KIAA1549L: variants seen among roughly 807,000 people sequenced by gnomAD.
The protein encoded by KIAA1549L is UPF0606 protein KIAA1549L.
KIAA1549L carries 88 observed loss-of-function variants against 160.7 expected under a neutral mutation model. The observed-to-expected ratio is 0.55, with a 90% CI of 0.46 to 0.65. The LOEUF is 0.65. Ranked by LOEUF, KIAA1549L falls within the 30% of genes least tolerant of loss-of-function variation. KIAA1549L has a pLI of 0.00. For synonymous variants in KIAA1549L, 950 were observed against 976.7 expected, an observed-to-expected ratio of 0.97 and a Z score of 0.51; for missense variants, 2,258 against 2,437.5, an observed-to-expected ratio of 0.93 and a Z score of 1.55.
chr11:33,424,854 C>T (rs1457793312), intron 1 of KIAA1549L, among the ~76,000 whole-genome samples: 1 of 152,130 alleles, frequency 6.6e-6, no homozygotes, highest in South Asian at 2.1e-4. Flanking sequence ...TGGCTGTGGA[C>T]TCTGTGTGGT....
At chr11:33,406,355 G>T (rs1189160257) in intron 1 of KIAA1549L, among the ~76,000 whole-genome samples, 1 of 152,168 alleles carries the variant, frequency 6.6e-6, no homozygotes, top group Non-Finnish European at 1.5e-5. Context: ...GTTCCTGCCG[G>T]CTGCGACTTA....
At chr11:33,553,032 G>A (rs1590337521) in intron 6 of KIAA1549L, among the ~76,000 whole-genome samples, 1 of 152,162 alleles carries the variant, frequency 6.6e-6, no homozygotes, top group African/African-American at 2.4e-5. Flanking sequence ...TAAGAGATGA[G>A]GTTAGAAGCT....
At chr11:33,490,060 T>G (rs954200837) in intron 1 of KIAA1549L, among the ~76,000 whole-genome samples, 2 of 152,118 alleles carry the variant, frequency 1.3e-5, no homozygotes, top group Admixed American at 6.6e-5. Flanking sequence ...TGATGGTAAA[T>G]GGGAAGGTTT....
Position 33,542,706 on chromosome 11 carries a change from A to G in KIAA1549L, c.1143A>G (p.Ser381=). 1 of 1,613,964 alleles carries G rather than the reference A, an allele frequency of 6.2e-7. No homozygotes were observed. The highest frequency in any genetic ancestry group is 8.5e-7 in the Non-Finnish European group (1 of 1,179,872). The part of the protein sequence containing the change: ...SPSWSMLEVA[S]GPASTQQIKA... Reference sequence around the variant, plus strand: ...CATGGTCAATGTTGGAAGTGGCTTCAGGTCCTGCATCCACCCAGCAGATCA... The same window carrying G: ...CATGGTCAATGTTGGAAGTGGCTTCGGGTCCTGCATCCACCCAGCAGATCA... Residue 381 remains serine, a synonymous_variant, in exon 2 of 21, where the codon TCA becomes TCG. Coordinates refer to ENST00000658780, the MANE Select transcript of KIAA1549L (RefSeq NM_012194.3).
rs778392074 is a variant in KIAA1549L, at chr11:33,645,904, C to T, written c.5628C>T (p.Tyr1876=). The T allele has an allele frequency of 4.4e-5, 71 of 1,613,394 alleles. No individual in the cohort carries two copies. The highest frequency in any genetic ancestry group is 1.6e-4 in the Middle Eastern group (1 of 6,080). Residue 1876 remains tyrosine, a synonymous_variant, in exon 17 of 21, where the codon TAC becomes TAT. Coordinates refer to ENST00000658780, the MANE Select transcript of KIAA1549L (RefSeq NM_012194.3). ...GCCAGAGCCGGCACCAAGAGGCCTA[C>T]GGCTCAGCCCAGCACCTGCCCTATT... ...HAGQSRHQEA[Y]GSAQHLPYSE... is the part of the protein sequence containing the mutation.
intron 1 of KIAA1549L, among the ~76,000 whole-genome samples, chr11:33,511,395 G>A (rs1590299714): frequency 6.6e-6 from 1 of 152,226 alleles, no homozygotes; most frequent in African/African-American, 2.4e-5. Context: ...CTCAGGTGTT[G>A]TGGGAGGATT....
Position 33,530,430 on chromosome 11 carries a change from AAAAAAAATATATATATATAT to A in KIAA1549L, c.239-11370_239-11351del, listed in dbSNP as rs1420156746. Among the ~76,000 whole-genome samples, 115 of 14,384 alleles carry A rather than the reference AAAAAAAATATATATATATAT, an allele frequency of 8.0e-3. 8 individuals are homozygous for A. Among genetic ancestry groups the A allele is most frequent in the African/African-American group, 0.021 (107 of 5,036 alleles). The allele number at this position is 14,384 out of a possible 152,430, so 9.4% of individuals were successfully genotyped here. A position where few individuals can be genotyped will look rare whatever the true frequency, so the allele number is the denominator to read the frequency against. ...AAGAAGAAGGAAAAAAAAAAAAAAA[AAAAAAAATATATATATATAT>A]ATATATATATATATATATATATATA... is the stretch of plus-strand genomic sequence containing the variant. On this transcript the variant is annotated intron_variant, in intron 1 of 20. Transcript: ENST00000658780.
chr11:33,503,101 T>TCC (rs1468153775), intron 1 of KIAA1549L, among the ~76,000 whole-genome samples: 29 of 152,306 alleles, frequency 1.9e-4, no homozygotes, highest in African/African-American at 7.0e-4. Context: ...TCACCTGAAG[T>TCC]CCCCCTCATG....
Position 33,543,182 on chromosome 11 carries a change from A to G in KIAA1549L, c.1619A>G (p.Asp540Gly). ...GSDGSPPATR[D>G]LLLSSKVPNL... ...GATGGGTCCCCTCCTGCAACTAGAG[A>G]CTTGCTCCTCTCAAGCAAAGTTCCT... Residue 540 changes from aspartate (D) to glycine (G), a missense_variant, in exon 2 of 21, where the codon GAC becomes GGC. Asp to Gly is a moderately conservative substitution (Grantham distance 94). This residue lies in a region of KIAA1549L where 540 missense variants were observed against 465.7 expected (regional missense o/e 1.16). Coordinates refer to ENST00000658780, the MANE Select transcript of KIAA1549L (RefSeq NM_012194.3). 6.2e-7 allele frequency: 1 copy of G among 1,613,854 alleles called. No individual in the cohort carries two copies. Among genetic ancestry groups the G allele is most frequent in the Non-Finnish European group, 8.5e-7 (1 of 1,179,862 alleles).
intron 1 of KIAA1549L, among the ~76,000 whole-genome samples, chr11:33,381,784 C>T (rs1850078574): frequency 6.6e-6 from 1 of 152,010 alleles, no homozygotes; most frequent in South Asian, 2.1e-4. Context: ...AGGGTGGTAG[C>T]AGAAGTGGTT....
chr11:33,435,099 A>G (rs1851326919), intron 1 of KIAA1549L, among the ~76,000 whole-genome samples: 1 of 152,232 alleles, frequency 6.6e-6, no homozygotes, highest in Non-Finnish European at 1.5e-5. Flanking sequence ...TGGAAATTAG[A>G]AAAATAAAAG....
rs181918052 is a variant in KIAA1549L, at chr11:33,520,904, T to G, written c.239-20898T>G. On this transcript the variant is annotated intron_variant, in intron 1 of 20. Transcript: ENST00000658780. ...TCAGCCTGGTGCAGTGGCTCATGTC[T>G]GTAATCTCAGCATTTTGGGAGGCTG... 9.3e-4 allele frequency among the ~76,000 whole-genome samples: 142 copies of G among 152,292 alleles called. 3 individuals are homozygous for G. In the East Asian group the frequency reaches 0.023, roughly 24 times the overall value.
At chr11:33,556,764 G>A (rs908200602) in intron 6 of KIAA1549L, among the ~76,000 whole-genome samples, 1 of 152,108 alleles carries the variant, frequency 6.6e-6, no homozygotes, top group Admixed American at 6.6e-5. Context: ...GTTTCTGTTT[G>A]GGATGATAAA....
intron 1 of KIAA1549L, among the ~76,000 whole-genome samples, chr11:33,422,684 C>A (rs1424739038): frequency 6.6e-6 from 1 of 151,056 alleles, no homozygotes; most frequent in Non-Finnish European, 1.5e-5. Flanking sequence ...TGTAAGATGC[C>A]TTTTTCACCC....
chr11:33,447,535 T>TA (rs1851638035), intron 1 of KIAA1549L, among the ~76,000 whole-genome samples: 1 of 111,696 alleles, frequency 9.0e-6, no homozygotes, highest in Non-Finnish European at 1.7e-5. Flanking sequence ...CTCACCCATC[T>TA]ATCCACCCAT....
At chr11:33,437,282 G>A (rs1349672365) in intron 1 of KIAA1549L, among the ~76,000 whole-genome samples, 1 of 152,106 alleles carries the variant, frequency 6.6e-6, no homozygotes, top group African/African-American at 2.4e-5. Flanking sequence ...GCCTTTCGTG[G>A]TTGTGAATGG....
At chr11:33,538,290 A>G (rs1189947417) in intron 1 of KIAA1549L, among the ~76,000 whole-genome samples, 1 of 152,180 alleles carries the variant, frequency 6.6e-6, no homozygotes, top group African/African-American at 2.4e-5. Flanking sequence ...ACAATTCCAG[A>G]TGAGATTTGG....
chr11:33,542,374 C>A lies in KIAA1549L; in HGVS notation c.811C>A (p.Leu271Met). Reference sequence around the variant, plus strand: ...GCCAGCAGAGCAATCCCCCAAAGTGCTGTTAGTTCCCCAAACAGCTCCAGC... The same window carrying A: ...GCCAGCAGAGCAATCCCCCAAAGTGATGTTAGTTCCCCAAACAGCTCCAGC... ...SEPAEQSPKV[L>M]LVPQTAPADP... Residue 271 changes from leucine (L) to methionine (M), a missense_variant, in exon 2 of 21, where the codon CTG becomes ATG. By Grantham distance (15) the Leu-to-Met change is conservative (BLOSUM62 2). This residue lies in a region of KIAA1549L where 540 missense variants were observed against 465.7 expected (regional missense o/e 1.16). Transcript: ENST00000658780. 1 of 1,090,022 alleles carries A rather than the reference C, an allele frequency of 9.2e-7. No individual in the cohort carries two copies. The highest frequency in any genetic ancestry group is 1.3e-6 in the Non-Finnish European group (1 of 754,308). 67.5% of individuals were successfully genotyped at this position (1,090,022 alleles called of 1,614,324 possible).
At chr11:33,403,466 C>T (rs374965610) in intron 1 of KIAA1549L, 1,574 of 135,100 alleles carry the variant, frequency 0.012, 20 homozygotes, top group African/African-American at 0.041. Flanking sequence ...GGGACACAGA[C>T]GCAGAAACAG....
Sources: allele counts gnomAD v4.1 joint callset (sites outside exome capture counted in the v4.1 genomes callset), GRCh38; gene constraint gnomAD v4.1.1; regional missense constraint gnomAD v4.1.1; transcripts MANE v1.5; gene names NCBI Gene and HGNC (gene_info 2026-07-23, HGNC 2026-07-21).